ALPK1: variants seen among roughly 807,000 people sequenced by gnomAD.
ALPK1 encodes the protein alpha-protein kinase 1.
In ALPK1, 110 loss-of-function variants were observed where a neutral mutation model predicts 120.6. The observed-to-expected ratio is 0.91, with a 90% CI of 0.78 to 1.07. The LOEUF (loss-of-function observed/expected upper bound fraction) is 1.07. Among genes scored for constraint, ALPK1 ranks in the 50% least tolerant of loss-of-function variants. The pLI, the probability that ALPK1 is intolerant of heterozygous loss-of-function variation, is 0.00. For missense variants in ALPK1, 1,498 were observed against 1,483.9 expected (o/e 1.01, Z -0.16); for synonymous variants, 582 against 560.3 (o/e 1.04, Z -0.55).
At chr4:112,395,727 G>T (rs1374487846) in intron 4 of ALPK1, among the ~76,000 whole-genome samples, 1 of 152,154 alleles carries the variant, frequency 6.6e-6, no homozygotes, top group Non-Finnish European at 1.5e-5. Context: ...TTAGTCCTCT[G>T]CTCTGAAGAT....
chr4:112,359,769 G>C, intron 2 of ALPK1: 2 of 419,936 alleles, frequency 4.8e-6, no homozygotes, highest in South Asian at 1.8e-5. Context: ...CCTGCACACT[G>C]CCTCCAGGAA....
At chr4:112,417,460 A>C (rs1198780333) in intron 5 of ALPK1, among the ~76,000 whole-genome samples, 4 of 152,196 alleles carry the variant, frequency 2.6e-5, no homozygotes, top group African/African-American at 9.6e-5. Context: ...GGTTTATTCC[A>C]GATACATAAG....
Position 112,413,711 on chromosome 4 carries a change from G to A in ALPK1, c.475+1686G>A, listed in dbSNP as rs569723360. Among the ~76,000 whole-genome samples the A allele has an allele frequency of 1.4e-4, 22 of 152,314 alleles. No homozygotes were observed. The East Asian group carries it at 3.7e-3, about 25-fold the overall frequency. Reference sequence around the variant, plus strand: ...TGGGATTACAGGTGCAAGCTGCCATGCCTGACCCGGTTTCCTTTTTTTAAA... The same window carrying A: ...TGGGATTACAGGTGCAAGCTGCCATACCTGACCCGGTTTCCTTTTTTTAAA... On this transcript the variant is annotated intron_variant, in intron 5 of 15. Coordinates refer to ENST00000650871, the MANE Select transcript of ALPK1 (RefSeq NM_025144.4).
chr4:112,316,682 G>A (rs577163525), intron 2 of ALPK1, among the ~76,000 whole-genome samples: 1 of 152,152 alleles, frequency 6.6e-6, no homozygotes, highest in Non-Finnish European at 1.5e-5. Context: ...GTGTGAGGTA[G>A]TGTCTCATTG....
chr4:112,383,459 C>A lies in ALPK1; in HGVS notation c.276+907C>A, dbSNP rs560117588. On this transcript the variant is annotated intron_variant, in intron 4 of 15. Coordinates refer to ENST00000650871, the MANE Select transcript of ALPK1 (RefSeq NM_025144.4). ...ATTCAAGCAAAAATCTAAGAAAGACCCCCTGATCTATAGACACACAAGAGC... is the reference window on the plus strand; with the variant it reads ...ATTCAAGCAAAAATCTAAGAAAGACACCCTGATCTATAGACACACAAGAGC... 7 of 151,790 alleles carry A rather than the reference C, an allele frequency of 4.6e-5. No individual in the cohort carries two copies. The South Asian group carries it at 6.3e-4, about 14-fold the overall frequency. 9.4% of individuals were successfully genotyped at this position (151,790 alleles called of 1,614,324 possible).
intron 2 of ALPK1, among the ~76,000 whole-genome samples, chr4:112,333,169 C>A (rs974756164): frequency 6.6e-6 from 1 of 152,212 alleles, no homozygotes; most frequent in Non-Finnish European, 1.5e-5. Context: ...AAGGTCCTTG[C>A]AGGTCAAACC....
At chr4:112,415,492 C>T (rs1733699851) in intron 5 of ALPK1, among the ~76,000 whole-genome samples, 1 of 152,014 alleles carries the variant, frequency 6.6e-6, no homozygotes, top group African/African-American at 2.4e-5. Flanking sequence ...AAAAAATTAG[C>T]CTGGTGTGGT....
chr4:112,400,706 A>C (rs1325879881), intron 4 of ALPK1, among the ~76,000 whole-genome samples: 2 of 152,216 alleles, frequency 1.3e-5, no homozygotes, highest in African/African-American at 4.8e-5. Context: ...CAGATACAAA[A>C]GAGTAACTTT....
rs553837857 is a variant in ALPK1 at position 112,432,154 on chromosome 4, C to T, written c.2607C>T (p.His869=). Reference sequence around the variant, plus strand: ...TGGATGTTCCCTGCACAAATGGGCACGGCTCTCATAGACTGTGCATTCTGA... The same window carrying T: ...TGGATGTTCCCTGCACAAATGGGCATGGCTCTCATAGACTGTGCATTCTGA... ...DSMDVPCTNG[H]GSHRLCILRQ... is the part of the protein sequence containing the mutation. The change falls in exon 11 of 16, where the codon CAC becomes CAT. Residue 869 remains histidine, a synonymous_variant. Transcript: ENST00000650871. 5.8e-5 allele frequency: 94 copies of T among 1,614,196 alleles called. No individual in the cohort carries two copies. The East Asian group carries it at 8.5e-4, about 15-fold the overall frequency.
At chr4:112,398,436 G>A (rs1182588664) in intron 4 of ALPK1, among the ~76,000 whole-genome samples, 1 of 152,130 alleles carries the variant, frequency 6.6e-6, no homozygotes, top group African/African-American at 2.4e-5. Flanking sequence ...GAGACTACAG[G>A]CAAGCACCAC....
At chr4:112,425,802 C>T (rs1373804909) in intron 7 of ALPK1, 51 bp downstream of exon 7, 41 of 1,455,026 alleles carry the variant, frequency 2.8e-5, no homozygotes, top group Non-Finnish European at 3.9e-5. Context: ...CAAAGCCTGG[C>T]TGCATGGTTT....
intron 13 of ALPK1, 88 bp from the exon 14 acceptor site, chr4:112,439,598 G>T: frequency 8.9e-7 from 1 of 1,123,978 alleles, no homozygotes; most frequent in South Asian, 2.0e-5. Context: ...CAAAGTGGCA[G>T]AGCCTAGGTT....
intron 4 of ALPK1, among the ~76,000 whole-genome samples, chr4:112,387,225 AAAC>A (rs773949874): frequency 9.2e-5 from 14 of 152,336 alleles, no homozygotes; most frequent in Non-Finnish European, 1.6e-4. Flanking sequence ...TCACTCTTCT[AAAC>A]AACAACAAAA....
At chr4:112,369,032 T>A (rs2351456) in intron 2 of ALPK1, among the ~76,000 whole-genome samples, 2 of 151,632 alleles carry the variant, frequency 1.3e-5, no homozygotes, top group South Asian at 4.1e-4. Context: ...CCTTTACTTC[T>A]TTTTTTGTTT....
intron 7 of ALPK1, chr4:112,426,047 G>A (rs1734219937): frequency 3.7e-6 from 1 of 271,292 alleles, no homozygotes; most frequent in African/African-American, 2.2e-5. Flanking sequence ...GACTCCATGT[G>A]ATATGGTGAC....
intron 5 of ALPK1, chr4:112,414,356 C>G: frequency 2.1e-6 from 1 of 467,644 alleles, no homozygotes. Flanking sequence ...CCTGTAATCC[C>G]AGCACTTTGG....
rs188448861 is a variant in ALPK1, at chr4:112,392,730, C to T, written c.276+10178C>T. ...TTTGTAGAGATGGGTTTCCCAGAGC[C>T]GTGTTTCCCAAGCTGGTCTCAAACT... On this transcript the variant is annotated intron_variant, in intron 4 of 15. Coordinates refer to ENST00000650871, the MANE Select transcript of ALPK1 (RefSeq NM_025144.4). Among the ~76,000 whole-genome samples the T allele has an allele frequency of 7.9e-5, 12 of 152,138 alleles. No homozygotes were observed. In the East Asian group the frequency reaches 1.2e-3, roughly 15 times the overall value.
intron 2 of ALPK1, among the ~76,000 whole-genome samples, chr4:112,367,375 T>C (rs938203265): frequency 6.6e-6 from 1 of 152,248 alleles, no homozygotes; most frequent in African/African-American, 2.4e-5. Context: ...TTCCTTTTTA[T>C]CTGTATTTTT....
chr4:112,420,621 G>A (rs970062417), intron 5 of ALPK1, among the ~76,000 whole-genome samples: 5 of 152,142 alleles, frequency 3.3e-5, no homozygotes, highest in South Asian at 2.1e-4. Context: ...GTGCAAAAGC[G>A]GGGGAAATGA....
Sources: gnomAD v4.1 joint callset for allele counts (sites outside exome capture counted in the v4.1 genomes callset) on GRCh38, gnomAD v4.1.1 for gene constraint, MANE v1.5 for transcripts, NCBI Gene and HGNC (gene_info 2026-07-23, HGNC 2026-07-21) for gene names.